RGS6: variants seen among roughly 807,000 people sequenced by gnomAD.
RGS6 encodes regulator of G protein signaling 6.
In RGS6, 30 loss-of-function variants were observed where a neutral mutation model predicts 78.5. That is an observed-to-expected ratio of 0.38 (90% CI 0.29 to 0.52). The LOEUF (loss-of-function observed/expected upper bound fraction) is 0.52, where lower values mean the gene tolerates loss of function less well. Ranked by LOEUF, RGS6 falls within the 20% of genes least tolerant of loss-of-function variation. The pLI is 0.85. For synonymous variants in RGS6, 206 were observed against 206.0 expected (o/e 1.00, Z 0.00); for missense variants, 495 against 609.7 (o/e 0.81, Z 1.98).
chr14:71,953,969 G>GTTTTTTTTT lies in RGS6; in HGVS notation c.-20-10792_-20-10784dup, dbSNP rs3053026. 1.9e-3 allele frequency among the ~76,000 whole-genome samples: 147 copies of GTTTTTTTTT among 75,932 alleles called. 2 individuals are homozygous for GTTTTTTTTT. The highest frequency in any genetic ancestry group is 0.018 in the Middle Eastern group (1 of 56). 49.8% of individuals were successfully genotyped at this position (75,932 alleles called of 152,430 possible). A position where few individuals can be genotyped will look rare whatever the true frequency, so the allele number is the denominator to read the frequency against. ...ACTAGATGTAGAATTCTAAGTGGGC[G>GTTTTTTTTT]TTTTTTTTTTTTTTTTTTTCCTTCA... On this transcript the variant is annotated intron_variant, in intron 1 of 17. Transcript: ENST00000553525.
chr14:71,943,699 G>C (rs1423570026), intron 1 of RGS6, among the ~76,000 whole-genome samples: 1 of 152,220 alleles, frequency 6.6e-6, no homozygotes, highest in Non-Finnish European at 1.5e-5. Context: ...AAAGGAGACT[G>C]CTGCTGCATT....
intron 2 of RGS6, among the ~76,000 whole-genome samples, chr14:72,105,053 G>GTTAGAGCA (rs1184583761): frequency 6.6e-6 from 1 of 152,194 alleles, no homozygotes; most frequent in Non-Finnish European, 1.5e-5. Context: ...CAGTTAGGTT[G>GTTAGAGCA]TTAGAGCATT....
At chr14:72,552,313 A>G (rs7148433) in intron 17 of RGS6, among the ~76,000 whole-genome samples, 290 of 152,242 alleles carry the variant, frequency 1.9e-3, no homozygotes, top group African/African-American at 6.6e-3. Flanking sequence ...CTTCTGTTCT[A>G]TGGTCGATTT....
At chr14:72,219,638 G>C (rs1364707701) in intron 2 of RGS6, among the ~76,000 whole-genome samples, 1 of 152,000 alleles carries the variant, frequency 6.6e-6, no homozygotes, top group African/African-American at 2.4e-5. Flanking sequence ...TATATGTTAT[G>C]TAAATACTTT....
chr14:72,212,935 C>T (rs879297766), intron 2 of RGS6, among the ~76,000 whole-genome samples: 9 of 152,204 alleles, frequency 5.9e-5, no homozygotes, highest in Non-Finnish European at 8.8e-5. Context: ...TAGGACCATG[C>T]ACAGATACCT....
chr14:72,491,786 G>A (rs538870106), intron 12 of RGS6, among the ~76,000 whole-genome samples: 5 of 152,236 alleles, frequency 3.3e-5, no homozygotes, highest in South Asian at 2.1e-4. Flanking sequence ...GCCAGTTTTC[G>A]CAACAAAGCC....
At chr14:71,975,586 G>A (rs1222267542) in intron 2 of RGS6, among the ~76,000 whole-genome samples, 1 of 152,096 alleles carries the variant, frequency 6.6e-6, no homozygotes, top group African/African-American at 2.4e-5. Context: ...AACCTCCCGA[G>A]TAGCTGGGAC....
chr14:72,051,374 C>T (rs2093229370), intron 2 of RGS6, among the ~76,000 whole-genome samples: 1 of 151,798 alleles, frequency 6.6e-6, no homozygotes, highest in African/African-American at 2.4e-5. Context: ...TTAGAATCCA[C>T]CAAGAATTTA....
chr14:72,529,648 A>AC (rs200938878), intron 15 of RGS6, among the ~76,000 whole-genome samples: 1,931 of 150,592 alleles, frequency 0.013, 39 homozygotes, highest in African/African-American at 0.044. Context: ...GCAAGACCAG[A>AC]CCCCCCCCTC....
chr14:72,298,681 C>T (rs527473625), intron 2 of RGS6, among the ~76,000 whole-genome samples: 58 of 152,022 alleles, frequency 3.8e-4, no homozygotes, highest in Non-Finnish European at 7.5e-4. Context: ...ATCTCCTGAC[C>T]TCGTGGTCCA....
intron 2 of RGS6, among the ~76,000 whole-genome samples, chr14:72,238,844 C>T (rs1003425253): frequency 2.0e-5 from 3 of 152,120 alleles, no homozygotes; most frequent in African/African-American, 7.2e-5. Flanking sequence ...TATACCATGC[C>T]TAAAACACTC....
intron 2 of RGS6, among the ~76,000 whole-genome samples, chr14:72,010,052 C>T (rs760010974): frequency 6.6e-5 from 10 of 152,226 alleles, no homozygotes; most frequent in Admixed American, 1.3e-4. Flanking sequence ...TGAATGAGAT[C>T]CATGGGTATA....
At chr14:72,265,231 G>C (rs1036087866) in intron 2 of RGS6, among the ~76,000 whole-genome samples, 3 of 152,142 alleles carry the variant, frequency 2.0e-5, no homozygotes, top group African/African-American at 7.2e-5. Context: ...GGTGGGCATG[G>C]TGACACGGTG....
At chr14:72,225,207 T>C (rs1039789636) in intron 2 of RGS6, among the ~76,000 whole-genome samples, 1 of 152,238 alleles carries the variant, frequency 6.6e-6, no homozygotes, top group Non-Finnish European at 1.5e-5. Flanking sequence ...GAAGATGATA[T>C]TCTCTGGCAT....
At chr14:71,951,610 C>A (rs1186653269) in intron 1 of RGS6, among the ~76,000 whole-genome samples, 1 of 152,100 alleles carries the variant, frequency 6.6e-6, no homozygotes, top group African/African-American at 2.4e-5. Flanking sequence ...TAACCATTTG[C>A]ATTACTGTAT....
In RGS6 at chr14:71,986,057, T is replaced by G. The variant is rs1048528774; in HGVS notation, c.84+21182T>G. 2.0e-5 allele frequency among the ~76,000 whole-genome samples: 3 copies of G among 152,178 alleles called. 1 individual carries two copies. Among genetic ancestry groups the G allele is most frequent in the Non-Finnish European group, 4.4e-5 (3 of 68,026 alleles). ...TTAAAACAGCTCTTCTGTCACACAC[T>G]TGAGAGGGGAGGCAGGCTTTGCTAT... On this transcript the variant is annotated intron_variant, in intron 2 of 17. Coordinates refer to ENST00000553525, the MANE Select transcript of RGS6 (RefSeq NM_001204424.2).
intron 2 of RGS6, among the ~76,000 whole-genome samples, chr14:72,074,390 G>A (rs961685460): frequency 4.6e-5 from 7 of 151,636 alleles, no homozygotes; most frequent in South Asian, 2.1e-4. Flanking sequence ...TAGAGACAGG[G>A]TCTAGCTCTG....
chr14:72,391,051 A>G (rs1004484762), intron 3 of RGS6, among the ~76,000 whole-genome samples: 9 of 152,216 alleles, frequency 5.9e-5, no homozygotes, highest in Admixed American at 5.2e-4. Flanking sequence ...ACTCAAATAT[A>G]CTTAGGCAAA....
chr14:72,037,308 T>C (rs1019544144), intron 2 of RGS6, among the ~76,000 whole-genome samples: 11 of 152,180 alleles, frequency 7.2e-5, no homozygotes, highest in Non-Finnish European at 1.6e-4. Flanking sequence ...CTTTCACTCT[T>C]CACAATAAAT....
Sources: allele counts gnomAD v4.1 joint callset (sites outside exome capture counted in the v4.1 genomes callset), GRCh38; gene constraint gnomAD v4.1.1; transcripts MANE v1.5; gene names NCBI Gene and HGNC (gene_info 2026-07-23, HGNC 2026-07-21).